Variants in PPP6R3 observed in about 807,000 individuals in gnomAD.
PPP6R3 encodes protein phosphatase 6 regulatory subunit 3, also known as serine/threonine-protein phosphatase 6 regulatory subunit 3.
A neutral mutation model predicts 110.7 loss-of-function variants in PPP6R3; 38 were observed. The ratio of observed to expected loss-of-function variants is 0.34; its 90% CI spans 0.26 to 0.45. PPP6R3 has a LOEUF of 0.45. Ranked by LOEUF, PPP6R3 falls within the 20% of genes least tolerant of loss-of-function variation. The pLI, the probability that PPP6R3 is intolerant of heterozygous loss-of-function variation, is 1.00. For missense variants in PPP6R3, 870 were observed against 1,062.4 expected, an observed-to-expected ratio of 0.82 and a Z score of 2.52; for synonymous variants, 369 against 373.5, an observed-to-expected ratio of 0.99 and a Z score of 0.14.
chr11:68,478,646 A>AGTTT (rs2098859603), intron 1 of PPP6R3, among the ~76,000 whole-genome samples: 5 of 10,754 alleles, frequency 4.6e-4, no homozygotes, highest in Non-Finnish European at 8.0e-4. Flanking sequence ...GCACTTGGTA[A>AGTTT]GTTTTTTTTT....
At chr11:68,502,923 G>C (rs2099055655) in intron 1 of PPP6R3, among the ~76,000 whole-genome samples, 1 of 152,126 alleles carries the variant, frequency 6.6e-6, no homozygotes. Flanking sequence ...TTGGACCTTA[G>C]TTGTGTTTAT....
intron 14 of PPP6R3, among the ~76,000 whole-genome samples, chr11:68,580,578 G>A (rs2099549624): frequency 6.6e-6 from 1 of 152,040 alleles, no homozygotes; most frequent in Admixed American, 6.6e-5. Context: ...GAGGAAACAA[G>A]ATGACCGAGG....
chr11:68,568,069 A>G (rs113663387), intron 10 of PPP6R3, among the ~76,000 whole-genome samples: 1,568 of 152,150 alleles, frequency 0.01, 12 homozygotes, highest in African/African-American at 0.013. Flanking sequence ...TATCAACCAC[A>G]TCATTGTGCT....
intron 9 of PPP6R3, among the ~76,000 whole-genome samples, chr11:68,566,062 G>A (rs2153749347): frequency 6.6e-6 from 1 of 152,274 alleles, no homozygotes; most frequent in South Asian, 2.1e-4. Context: ...CTACTTTTGT[G>A]ATTTCAGGCT....
At chr11:68,575,828 C>T (rs2099528855) in intron 13 of PPP6R3, 130 bp from the exon 14 acceptor site, 1 of 608,222 alleles carries the variant, frequency 1.6e-6, no homozygotes, top group Non-Finnish European at 2.9e-6. Context: ...CCCAGTTTCT[C>T]AGCTGATAGG....
At position 68,575,935 on chromosome 11, in the gene PPP6R3, T is replaced by A. The variant is rs184091309; in HGVS notation, c.1460-23T>A. 1.5e-5 allele frequency: 24 copies of A among 1,560,550 alleles called. No individual in the cohort carries two copies. In the Middle Eastern group the frequency reaches 5.1e-4, roughly 33 times the overall value. ...TGGAGGTCATTGTGGTGATAATGCTTTTTTGCTTTTCTCACTCTGAAGATC... is the reference window on the plus strand; with the variant it reads ...TGGAGGTCATTGTGGTGATAATGCTATTTTGCTTTTCTCACTCTGAAGATC... On this transcript the variant is annotated intron_variant, in intron 13 of 23. Coordinates refer to ENST00000393800, the MANE Select transcript of PPP6R3 (RefSeq NM_001164161.2).
At chr11:68,539,331 A>T (rs919941195) in intron 3 of PPP6R3, among the ~76,000 whole-genome samples, 11 of 152,156 alleles carry the variant, frequency 7.2e-5, no homozygotes, top group Non-Finnish European at 1.3e-4. Flanking sequence ...TGTTTTAATC[A>T]TTGAAGAGTA....
intron 23 of PPP6R3, 131 bp from the exon 24 acceptor site, chr11:68,612,935 T>TATTA (rs1944308205): frequency 6.8e-7 from 1 of 1,481,194 alleles, no homozygotes; most frequent in Admixed American, 2.2e-5. Flanking sequence ...CATATCATTT[T>TATTA]ATTAAAAACT....
Position 68,538,154 on chromosome 11 carries a change from T to C in PPP6R3, c.227+263T>C, listed in dbSNP as rs144990667. 6.6e-5 allele frequency among the ~76,000 whole-genome samples: 10 copies of C among 152,318 alleles called. No homozygotes were observed. The East Asian group carries it at 1.9e-3, about 29-fold the overall frequency. On this transcript the variant is annotated intron_variant, in intron 3 of 23. Transcript: ENST00000393800. ...GCTTTGTAAACAATGATGATAAATA[T>C]CTCAAAATAGTAAGATGATTAAAAT... is the stretch of plus-strand genomic sequence containing the variant.
At chr11:68,569,582 CTG>C (rs747077731) in intron 10 of PPP6R3, among the ~76,000 whole-genome samples, 164 bp from the exon 11 acceptor site, 11 of 152,318 alleles carry the variant, frequency 7.2e-5, no homozygotes, top group South Asian at 2.1e-4. Context: ...GAAAATGAAA[CTG>C]TGGTTATGCA....
intron 1 of PPP6R3, among the ~76,000 whole-genome samples, chr11:68,505,739 C>G (rs1005374394): frequency 6.6e-6 from 1 of 152,184 alleles, no homozygotes; most frequent in African/African-American, 2.4e-5. Context: ...GCCTTCCTAG[C>G]CATGTTTCAG....
intron 1 of PPP6R3, among the ~76,000 whole-genome samples, chr11:68,489,668 G>A (rs2153429533): frequency 6.7e-6 from 1 of 150,340 alleles, no homozygotes; most frequent in South Asian, 2.1e-4. Context: ...CACTTCATTA[G>A]CATTTTTTTA....
intron 1 of PPP6R3, among the ~76,000 whole-genome samples, chr11:68,508,927 T>G (rs906072200): frequency 1.3e-5 from 2 of 152,242 alleles, no homozygotes; most frequent in Non-Finnish European, 2.9e-5. Flanking sequence ...TACTATTTTC[T>G]TTTCCTGTCT....
intron 2 of PPP6R3, among the ~76,000 whole-genome samples, chr11:68,524,195 A>G (rs1331081787): frequency 6.6e-6 from 1 of 152,094 alleles, no homozygotes; most frequent in African/African-American, 2.4e-5. Context: ...ATCTTTAGCA[A>G]GTTTTGCTTC....
At chr11:68,465,502 T>C (rs1470005809) in intron 1 of PPP6R3, among the ~76,000 whole-genome samples, 1 of 152,244 alleles carries the variant, frequency 6.6e-6, no homozygotes, top group Non-Finnish European at 1.5e-5. Context: ...AGCTAAATGT[T>C]AATATCTGAA....
chr11:68,599,267 C>T (rs575086663), intron 19 of PPP6R3, among the ~76,000 whole-genome samples: 1 of 152,234 alleles, frequency 6.6e-6, no homozygotes, highest in South Asian at 2.1e-4. Flanking sequence ...GAGGATTCAG[C>T]ACTCTGTGAA....
intron 1 of PPP6R3, among the ~76,000 whole-genome samples, chr11:68,469,411 G>A (rs2098773094): frequency 6.6e-6 from 1 of 151,942 alleles, no homozygotes; most frequent in African/African-American, 2.4e-5. Context: ...ATTTTTTTGA[G>A]ATAGAGTCCC....
Position 68,583,106 on chromosome 11 carries a change from T to C in PPP6R3, c.1609T>C (p.Ser537Pro). ...DEIDFKETGF[S>P]QDSSLQQAFS... Reference sequence around the variant, plus strand: ...AATTGACTTTAAAGAAACGGGTTTCTCACAGGATTCTTCTTTGCAGCAAGT... The same window carrying C: ...AATTGACTTTAAAGAAACGGGTTTCCCACAGGATTCTTCTTTGCAGCAAGT... The change falls in exon 15 of 24, where the codon TCA becomes CCA. Residue 537 changes from serine to proline, a missense_variant. By Grantham distance (74) the Ser-to-Pro change is moderately conservative. Coordinates refer to ENST00000393800, the MANE Select transcript of PPP6R3 (RefSeq NM_001164161.2). 1 of 1,546,864 alleles carries C rather than the reference T, an allele frequency of 6.5e-7. No individual in the cohort carries two copies. The highest frequency in any genetic ancestry group is 8.7e-7 in the Non-Finnish European group (1 of 1,143,340).
intron 18 of PPP6R3, among the ~76,000 whole-genome samples, chr11:68,594,417 G>A (rs2099607146): frequency 6.6e-6 from 1 of 152,018 alleles, no homozygotes; most frequent in Non-Finnish European, 1.5e-5. Flanking sequence ...AGCACTTTGG[G>A]AGGCCAAGGC....
Sources: gnomAD v4.1 joint callset for allele counts (sites outside exome capture counted in the v4.1 genomes callset) on GRCh38, gnomAD v4.1.1 for gene constraint, MANE v1.5 for transcripts, NCBI Gene and HGNC (gene_info 2026-07-23, HGNC 2026-07-21) for gene names.